The following ZNF487 variants were observed in gnomAD, a reference collection of about 807,000 sequenced individuals.
ZNF487 encodes the protein KRAB domain only 1.
ZNF487 carries 4 observed loss-of-function variants against 3.0 expected under a neutral mutation model. The observed-to-expected ratio is 1.35, with a 90% CI of 0.66 to 3.08. ZNF487 has a LOEUF of 3.08. Among genes scored for constraint, ZNF487 ranks in the 30% most tolerant of loss-of-function variants. ZNF487 has a pLI of 0.01. For missense variants in ZNF487, 146 were observed against 98.7 expected, an observed-to-expected ratio of 1.48 and a Z score of -2.03; for synonymous variants, 55 against 34.6, an observed-to-expected ratio of 1.59 and a Z score of -2.06.
intron 1 of ZNF487, among the ~76,000 whole-genome samples, chr10:43,474,683 A>G (rs1355902123): frequency 2.0e-5 from 3 of 151,852 alleles, no homozygotes; most frequent in African/African-American, 7.3e-5. Flanking sequence ...CCCAGGTTCA[A>G]GTGATTCTCC....
At chr10:43,493,709 AAT>A in the ZNF487 span, among the ~76,000 whole-genome samples, 519 of 43,510 alleles carry the variant, frequency 0.012, 7 homozygotes, top group Middle Eastern at 0.032. Flanking sequence ...AAAAAAAAAA[AAT>A]ATATATATAT....
chr10:43,456,350 G>T (rs912436933), intron 1 of ZNF487, among the ~76,000 whole-genome samples: 4 of 152,156 alleles, frequency 2.6e-5, no homozygotes, highest in African/African-American at 9.7e-5. Flanking sequence ...TCACAGCAGC[G>T]GAAGACGAGG....
chr10:43,485,418 TAAAG>T (rs1841463273), downstream of ZNF487, among the ~76,000 whole-genome samples: 1 of 152,210 alleles, frequency 6.6e-6, no homozygotes, highest in South Asian at 2.1e-4. Flanking sequence ...TACATTTCCA[TAAAG>T]AAAAACCATA....
the ZNF487 span, among the ~76,000 whole-genome samples, chr10:43,521,975 A>T: frequency 6.6e-6 from 1 of 152,148 alleles, no homozygotes; most frequent in Non-Finnish European, 1.5e-5. Flanking sequence ...AAATAGGGAA[A>T]TTTTATGATT....
chr10:43,471,899 G>C (rs994302723), intron 1 of ZNF487, among the ~76,000 whole-genome samples: 7 of 152,220 alleles, frequency 4.6e-5, no homozygotes, highest in Non-Finnish European at 1.0e-4. Context: ...GGAAAGGGTA[G>C]CTATATATAA....
chr10:43,470,186 C>T (rs1329070390), intron 1 of ZNF487, among the ~76,000 whole-genome samples: 3 of 151,992 alleles, frequency 2.0e-5, no homozygotes, highest in Non-Finnish European at 2.9e-5. Flanking sequence ...GCTTACAGGA[C>T]ACCACACTCT....
the ZNF487 span, among the ~76,000 whole-genome samples, chr10:43,505,026 A>G: frequency 3.3e-5 from 5 of 151,366 alleles, no homozygotes; most frequent in African/African-American, 1.2e-4. Flanking sequence ...TGTTTTTTAA[A>G]GAGATGGAGT....
chr10:43,436,908 G>T, upstream of ZNF487: 1 of 469,086 alleles, frequency 2.1e-6, no homozygotes, highest in Non-Finnish European at 4.4e-6. Context: ...AAGCCGGACT[G>T]CGCCGTGTCT....
At chr10:43,442,089 A>T (rs2069921919) in intron 1 of ZNF487, among the ~76,000 whole-genome samples, 1 of 152,112 alleles carries the variant, frequency 6.6e-6, no homozygotes, top group Non-Finnish European at 1.5e-5. Flanking sequence ...GCTGGATGTG[A>T]TGGCACATGC....
chr10:43,444,487 C>T (rs576678189), intron 1 of ZNF487, among the ~76,000 whole-genome samples: 1 of 152,236 alleles, frequency 6.6e-6, no homozygotes. Flanking sequence ...TTTTGAAAGA[C>T]ATTTTTGTTG....
chr10:43,521,055 T>C, the ZNF487 span, among the ~76,000 whole-genome samples: 1 of 152,144 alleles, frequency 6.6e-6, no homozygotes, highest in East Asian at 1.9e-4. Flanking sequence ...AGGGTGATAG[T>C]TGTCAGAGGA....
the ZNF487 span, among the ~76,000 whole-genome samples, chr10:43,510,511 C>T: frequency 1.7e-4 from 26 of 152,062 alleles, no homozygotes; most frequent in Non-Finnish European, 3.1e-4. Flanking sequence ...CTTGATAATC[C>T]GGGACAACCA....
At chr10:43,450,923 G>A (rs1839984475) in intron 1 of ZNF487, among the ~76,000 whole-genome samples, 1 of 152,050 alleles carries the variant, frequency 6.6e-6, no homozygotes, top group African/African-American at 2.4e-5. Flanking sequence ...AAACTTCAGA[G>A]TTTGCACCAT....
chr10:43,468,610 C>T (rs1188982279), intron 1 of ZNF487, among the ~76,000 whole-genome samples: 1 of 138,664 alleles, frequency 7.2e-6, no homozygotes, highest in Non-Finnish European at 1.5e-5. Context: ...ACCTGGGAGG[C>T]AGAGGTTGTG....
At chr10:43,484,112 A>G (rs1841449160), downstream of ZNF487, among the ~76,000 whole-genome samples, 1 of 151,304 alleles carries the variant, frequency 6.6e-6, no homozygotes, top group Non-Finnish European at 1.5e-5. Flanking sequence ...CAGGTGATCC[A>G]CCTGCTTTGG....
At chr10:43,496,063 G>T in the ZNF487 span, 1 of 534,490 alleles carries the variant, frequency 1.9e-6, no homozygotes, top group South Asian at 1.4e-5. Flanking sequence ...CCCAGGAGGA[G>T]TGGTAGCATC....
chr10:43,503,955 G>A, the ZNF487 span, among the ~76,000 whole-genome samples: 2 of 152,070 alleles, frequency 1.3e-5, no homozygotes, highest in Non-Finnish European at 2.9e-5. Flanking sequence ...TCTATGTTTA[G>A]ACACACAAAT....
At chr10:43,505,687 A>T in the ZNF487 span, among the ~76,000 whole-genome samples, 4 of 150,234 alleles carry the variant, frequency 2.7e-5, no homozygotes, top group African/African-American at 9.8e-5. Context: ...CTTGTCACGC[A>T]GGCTGAGTGC....
At chr10:43,522,633 A>T in the ZNF487 span, among the ~76,000 whole-genome samples, 1 of 152,054 alleles carries the variant, frequency 6.6e-6, no homozygotes, top group Admixed American at 6.6e-5. Flanking sequence ...ACTTGAGAGG[A>T]TGAGGCAGGA....
Sources: gnomAD v4.1 joint callset for allele counts (sites outside exome capture counted in the v4.1 genomes callset) on GRCh38, gnomAD v4.1.1 for gene constraint, MANE v1.5 for transcripts, NCBI Gene and HGNC (gene_info 2026-07-23, HGNC 2026-07-21) for gene names.